The following TACR1 variants were observed in gnomAD, a reference collection of about 807,000 sequenced individuals.
TACR1 encodes the protein tachykinin receptor 1.
A neutral mutation model predicts 35.8 loss-of-function variants in TACR1; 25 were observed. The observed-to-expected ratio is 0.70, with a 90% CI of 0.51 to 0.98. The LOEUF (loss-of-function observed/expected upper bound fraction) is 0.98. Ranked by LOEUF, TACR1 falls within the 50% of genes least tolerant of loss-of-function variation. The pLI is 0.00. For synonymous variants in TACR1, 195 were observed against 206.7 expected (o/e 0.94, Z 0.48); for missense variants, 478 against 522.9 (o/e 0.91, Z 0.84).
rs151061456 is a variant in TACR1, at chr2:75,198,631, G to C, written c.304C>G (p.Leu102Val). 1.5e-4 allele frequency: 249 copies of C among 1,614,088 alleles called. No individual in the cohort carries two copies. Among genetic ancestry groups the C allele is most frequent in the Non-Finnish European group, 2.0e-4 (241 of 1,180,026 alleles). ...YAVHNEWYYGLFYCKFHNFFP... is the reference protein window; with the variant it reads ...YAVHNEWYYGVFYCKFHNFFP... ...AAGTTGTGGAACTTGCAGTAGAACAGGCCGTAGTACCATTCGTTGTGGACA... is the reference window on the plus strand; with the variant it reads ...AAGTTGTGGAACTTGCAGTAGAACACGCCGTAGTACCATTCGTTGTGGACA... The change falls in exon 1 of 5, where the codon CTG becomes GTG. Residue 102 changes from leucine (L) to valine (V), a missense_variant. Physicochemically the swap from Leu to Val is conservative, Grantham distance 32 (BLOSUM62 1). Transcript: ENST00000305249.
chr2:75,187,826 C>A (rs956055238), intron 1 of TACR1: 5 of 152,174 alleles, frequency 3.3e-5, no homozygotes, highest in Non-Finnish European at 7.3e-5. Flanking sequence ...AGTATCTGCG[C>A]CTTCTTTGCA....
At chr2:75,164,746 C>T (rs528315598) in intron 1 of TACR1, among the ~76,000 whole-genome samples, 1 of 152,274 alleles carries the variant, frequency 6.6e-6, no homozygotes, top group Admixed American at 6.5e-5. Context: ...CCGAGTGCTC[C>T]TGGAAGGCTC....
chr2:75,075,138 CGGCAT>C (rs1672955023), intron 2 of TACR1, among the ~76,000 whole-genome samples: 1 of 152,202 alleles, frequency 6.6e-6, no homozygotes. Flanking sequence ...AGCTGAGAAG[CGGCAT>C]TCTACACAGC....
chr2:75,065,247 A>G (rs1672741558), intron 2 of TACR1, among the ~76,000 whole-genome samples: 2 of 152,042 alleles, frequency 1.3e-5, no homozygotes, highest in South Asian at 2.1e-4. Flanking sequence ...CACAGTGCCC[A>G]CCTCCCAACC....
chr2:75,093,688 C>G (rs1673353369), intron 2 of TACR1, among the ~76,000 whole-genome samples: 1 of 152,066 alleles, frequency 6.6e-6, no homozygotes, highest in African/African-American at 2.4e-5. Context: ...TGTAACACTT[C>G]AGCAACCAAC....
Position 75,198,737 on chromosome 2 carries a change from C to G in TACR1, c.198G>C (p.Val66=). 1 of 1,614,210 alleles carries G rather than the reference C, an allele frequency of 6.2e-7. No homozygotes were observed. Among genetic ancestry groups the G allele is most frequent in the Non-Finnish European group, 8.5e-7 (1 of 1,180,040 alleles). The part of the protein sequence containing the change: ...IILAHKRMRT[V]TNYFLVNLAF... The stretch of plus-strand genomic sequence containing the variant: ...CCAGGTTCACCAGAAAATAGTTCGT[C>G]ACTGTCCTCATTCTTTTGTGGGCTA... Residue 66 remains valine, a synonymous_variant, in exon 1 of 5, where the codon GTG becomes GTC. Coordinates refer to ENST00000305249, the MANE Select transcript of TACR1 (RefSeq NM_001058.4).
intron 2 of TACR1, among the ~76,000 whole-genome samples, chr2:75,084,386 C>T (rs1227845602): frequency 1.3e-5 from 2 of 152,132 alleles, no homozygotes; most frequent in African/African-American, 4.8e-5. Context: ...GTCTAAAATT[C>T]TCTTTTTTGG....
intron 2 of TACR1, among the ~76,000 whole-genome samples, chr2:75,056,466 A>C (rs994128062): frequency 6.6e-6 from 1 of 152,158 alleles, no homozygotes; most frequent in Non-Finnish European, 1.5e-5. Flanking sequence ...AAACCAGCCA[A>C]TCTTAAACCT....
intron 1 of TACR1, 40 bp from the exon 2 acceptor site, chr2:75,120,808 C>A: frequency 6.7e-7 from 1 of 1,483,676 alleles, no homozygotes; most frequent in South Asian, 1.4e-5. Flanking sequence ...GATCTGGTCA[C>A]CAAAATCTGT....
At position 75,049,640 on chromosome 2, in the gene TACR1, G is replaced by A; in HGVS notation, c.1016C>T (p.Thr339Ile). 6.2e-7 allele frequency: 1 copy of A among 1,614,180 alleles called. No homozygotes were observed. The highest frequency in any genetic ancestry group is 1.1e-5 in the South Asian group (1 of 91,092). The change falls in exon 5 of 5, where the codon ACC becomes ATC. Residue 339 changes from threonine to isoleucine, a missense_variant. Transcript: ENST00000305249. ...ACTGCCCTGGGTCTGGAGATACCGGGTGGATTTCATTTCCAGCCCCTCATA... is the reference window on the plus strand; with the variant it reads ...ACTGCCCTGGGTCTGGAGATACCGGATGGATTTCATTTCCAGCCCCTCATA... ...GDYEGLEMKS[T>I]RYLQTQGSVY...
chr2:75,143,120 T>C (rs1447585836), intron 1 of TACR1, among the ~76,000 whole-genome samples: 1 of 152,134 alleles, frequency 6.6e-6, no homozygotes, highest in African/African-American at 2.4e-5. Flanking sequence ...GCAGAGGCCC[T>C]GTGGTGTGAG....
In TACR1 at chr2:75,090,272, C is replaced by T. The variant is rs72807364; in HGVS notation, c.584+30302G>A. On this transcript the variant is annotated intron_variant, in intron 2 of 4. Coordinates refer to ENST00000305249, the MANE Select transcript of TACR1 (RefSeq NM_001058.4). ...ACCAAAAATAAAATTCTAAGGCCCC[C>T]CAACCATCTAAACAGACTTCCTCCT... Among the ~76,000 whole-genome samples the T allele has an allele frequency of 4.9e-3, 746 of 152,268 alleles. 3 individuals are homozygous for T. Among genetic ancestry groups the T allele is most frequent in the Admixed American group, 0.01 (154 of 15,296 alleles).
intron 1 of TACR1, among the ~76,000 whole-genome samples, chr2:75,178,116 G>A (rs989201098): frequency 6.6e-6 from 1 of 151,470 alleles, no homozygotes; most frequent in African/African-American, 2.4e-5. Flanking sequence ...GGACCCATAT[G>A]CTCACTTAAA....
chr2:75,080,394 G>A (rs948145293), intron 2 of TACR1, among the ~76,000 whole-genome samples: 1 of 152,066 alleles, frequency 6.6e-6, no homozygotes, highest in Non-Finnish European at 1.5e-5. Context: ...AGCATCTATC[G>A]CCATTGGTAT....
At chr2:75,180,980 A>G (rs916043105) in intron 1 of TACR1, among the ~76,000 whole-genome samples, 2 of 152,186 alleles carry the variant, frequency 1.3e-5, no homozygotes, top group Non-Finnish European at 2.9e-5. Flanking sequence ...TGATTTAACC[A>G]TCTGTCTAGC....
chr2:75,178,546 C>A (rs1391746301), intron 1 of TACR1, among the ~76,000 whole-genome samples: 2 of 150,522 alleles, frequency 1.3e-5, no homozygotes, highest in African/African-American at 4.9e-5. Flanking sequence ...GAAAAAAAAA[C>A]AACTCCCTTA....
intron 2 of TACR1, among the ~76,000 whole-genome samples, chr2:75,062,802 A>G (rs552554377): frequency 1.3e-5 from 2 of 152,240 alleles, no homozygotes; most frequent in African/African-American, 2.4e-5. Flanking sequence ...ACTATCAGGT[A>G]TCATAGTTTT....
In TACR1 at chr2:75,057,473, G is replaced by A. The variant is rs142594567; in HGVS notation, c.585-3718C>T. Among the ~76,000 whole-genome samples the A allele has an allele frequency of 9.6e-3, 1,469 of 152,330 alleles. 21 individuals carry two copies. The highest frequency in any genetic ancestry group is 0.013 in the Non-Finnish European group (857 of 68,032). On this transcript the variant is annotated intron_variant, in intron 2 of 4. Transcript: ENST00000305249. ...AACCTGTTGGGTGGTCTCTTCACAT[G>A]GACGCGAGTGAAACATTCAACCTTA...
At chr2:75,075,471 C>A (rs1672959789) in intron 2 of TACR1, among the ~76,000 whole-genome samples, 1 of 152,158 alleles carries the variant, frequency 6.6e-6, no homozygotes, top group Admixed American at 6.5e-5. Flanking sequence ...GATTCTATGA[C>A]CTAATAATGC....
Sources: allele counts gnomAD v4.1 joint callset (sites outside exome capture counted in the v4.1 genomes callset), GRCh38; gene constraint gnomAD v4.1.1; transcripts MANE v1.5; gene names NCBI Gene and HGNC (gene_info 2026-07-23, HGNC 2026-07-21).